Variants in AFF2 observed in about 807,000 individuals in gnomAD.
AFF2 encodes ALF transcription elongation factor 2, also known as AF4/FMR2 family member 2.
A neutral mutation model predicts 76.9 loss-of-function variants in AFF2; 14 were observed. The ratio of observed to expected loss-of-function variants is 0.18; its 90% CI spans 0.12 to 0.28. The LOEUF (loss-of-function observed/expected upper bound fraction) is 0.28. Ranked by LOEUF, AFF2 falls within the 10% of genes least tolerant of loss-of-function variation. The probability of loss-of-function intolerance (pLI) is 1.00; values close to 1 mark genes in which losing one functional copy is unlikely to be tolerated. For missense variants in AFF2, 868 were observed against 1,001.1 expected, an observed-to-expected ratio of 0.87 and a Z score of 1.79; for synonymous variants, 398 against 366.7, an observed-to-expected ratio of 1.09 and a Z score of -0.98.
chrX:148,842,882 A>G (rs1370561410), intron 5 of AFF2, 84 bp from the exon 6 acceptor site: 11 of 798,017 alleles, frequency 1.4e-5, no homozygotes, highest in Non-Finnish European at 1.9e-5. Context: ...TTAGTCAACT[A>G]TATCTTCAGC....
intron 3 of AFF2, among the ~76,000 whole-genome samples, chrX:148,798,853 A>C (rs1409414348): frequency 8.9e-6 from 1 of 111,897 alleles, no homozygotes; most frequent in African/African-American, 3.2e-5. Flanking sequence ...GATGCTCCAC[A>C]GAGCTGGCCC....
At chrX:148,968,860 T>C (rs1458126706) in intron 15 of AFF2, among the ~76,000 whole-genome samples, 17 of 111,938 alleles carry the variant, frequency 1.5e-4, no homozygotes, top group Non-Finnish European at 2.6e-4. Flanking sequence ...CCTGTGACCA[T>C]TGTATAGGTG....
intron 16 of AFF2, 60 bp from the exon 17 acceptor site, chrX:148,977,873 C>A (rs1040224784): frequency 4.7e-6 from 4 of 858,853 alleles, no homozygotes; most frequent in Admixed American, 4.5e-5. Flanking sequence ...ATACCAGTGA[C>A]TTTAGGCATT....
At position 148,809,750 on chromosome X, in the gene AFF2, T is replaced by C; in HGVS notation, c.1042-126T>C. 4.6e-6 allele frequency: 3 copies of C among 658,257 alleles called. No individual in the cohort carries two copies. In the South Asian group the frequency reaches 9.7e-5, roughly 21 times the overall value. The allele number at this position is 658,257 out of a possible 1,213,427, so 54.2% of individuals were successfully genotyped here. ...AAAATTAGTCATTTGCAGATATTCT[T>C]TTGTATTTAATAGGAAAAAAATGAT... On this transcript the variant is annotated intron_variant, in intron 3 of 20. Transcript: ENST00000370460.
At chrX:148,572,028 T>TA (rs1328403825) in intron 1 of AFF2, among the ~76,000 whole-genome samples, 1 of 93,777 alleles carries the variant, frequency 1.1e-5, no homozygotes, top group Non-Finnish European at 2.1e-5. Flanking sequence ...TCTGATAACA[T>TA]ACTAGCATCC....
chrX:148,719,170 T>A (rs782484350), intron 3 of AFF2: 2 of 1,146,425 alleles, frequency 1.7e-6, no homozygotes, highest in Non-Finnish European at 2.3e-6. Flanking sequence ...TTCACCCCTC[T>A]TTCTTGATCC....
At chrX:148,581,027 GTA>G (rs1491337173) in intron 1 of AFF2, among the ~76,000 whole-genome samples, 3,360 of 35,339 alleles carry the variant, frequency 0.095, 275 homozygotes, top group African/African-American at 0.23. Context: ...AAACATATGT[GTA>G]TATATACACA....
At chrX:148,575,823 A>G (rs1026535790) in intron 1 of AFF2, among the ~76,000 whole-genome samples, 1 of 108,127 alleles carries the variant, frequency 9.2e-6, no homozygotes, top group East Asian at 2.8e-4. Flanking sequence ...TAAATTATAT[A>G]ATAAAATAGA....
intron 3 of AFF2, among the ~76,000 whole-genome samples, chrX:148,693,577 G>C (rs782037595): frequency 8.9e-6 from 1 of 112,163 alleles, no homozygotes; most frequent in Non-Finnish European, 1.9e-5. Flanking sequence ...CTTCTCTCCA[G>C]AGTGGTCTGA....
At chrX:148,928,013 C>T (rs1334262905) in intron 9 of AFF2, among the ~76,000 whole-genome samples, 1 of 111,383 alleles carries the variant, frequency 9.0e-6, no homozygotes, top group African/African-American at 3.3e-5. Flanking sequence ...CTCTGTTTTT[C>T]GTAAGGTTCC....
At chrX:148,957,431 T>A (rs1252094129) in intron 11 of AFF2, among the ~76,000 whole-genome samples, 1 of 110,986 alleles carries the variant, frequency 9.0e-6, no homozygotes, top group African/African-American at 3.3e-5. Context: ...CAGTCATCAT[T>A]CAGCTTGACT....
At chrX:148,854,480 A>G (rs1557275722) in intron 7 of AFF2, among the ~76,000 whole-genome samples, 1 of 111,580 alleles carries the variant, frequency 9.0e-6, no homozygotes, top group East Asian at 2.8e-4. Flanking sequence ...ATACTAAGAG[A>G]AGATACTGCT....
Position 148,616,933 on chromosome X carries a change from A to G in AFF2, c.48-35066A>G, listed in dbSNP as rs782051623. Among the ~76,000 whole-genome samples the G allele has an allele frequency of 1.6e-3, 183 of 111,542 alleles. 1 individual carries two copies. Among genetic ancestry groups the G allele is most frequent in the African/African-American group, 5.5e-3 (168 of 30,709 alleles). The stretch of plus-strand genomic sequence containing the variant: ...ATTTTTTATGGCTGCATAGTATTCC[A>G]TGGTGTATATGTGCCACATTTTCTT... On this transcript the variant is annotated intron_variant, in intron 1 of 20. Transcript: ENST00000370460.
At chrX:148,614,650 T>C (rs782053404) in intron 1 of AFF2, among the ~76,000 whole-genome samples, 45 of 106,720 alleles carry the variant, frequency 4.2e-4, no homozygotes, top group Non-Finnish European at 8.0e-4. Context: ...TCTCTTTCTT[T>C]CTTCCTTCCT....
chrX:148,735,164 G>A (rs782092199), intron 3 of AFF2, among the ~76,000 whole-genome samples: 1 of 111,887 alleles, frequency 8.9e-6, no homozygotes, highest in Non-Finnish European at 1.9e-5. Context: ...CTTTGATGCT[G>A]GAAAGACCAA....
At chrX:148,909,094 C>G (rs1403170392) in intron 9 of AFF2, among the ~76,000 whole-genome samples, 1 of 112,196 alleles carries the variant, frequency 8.9e-6, no homozygotes, top group Admixed American at 9.4e-5. Context: ...GCCTTTAAAA[C>G]AGTGAGTTTT....
intron 3 of AFF2, among the ~76,000 whole-genome samples, chrX:148,725,353 T>C (rs911405092): frequency 3.6e-5 from 4 of 110,996 alleles, no homozygotes; most frequent in African/African-American, 1.3e-4. Context: ...TCTGGGATCC[T>C]CTTACCAGGA....
At position 148,792,042 on chromosome X, in the gene AFF2, G is replaced by GT. The variant is rs782459299; in HGVS notation, c.1042-17827dup. On this transcript the variant is annotated intron_variant, in intron 3 of 20. Coordinates refer to ENST00000370460, the MANE Select transcript of AFF2 (RefSeq NM_002025.4). ...TATTTGATAATATAGTTGGGAACCA[G>GT]TTTTTTTGTACAGTGATTAAGAACA... Among the ~76,000 whole-genome samples the GT allele has an allele frequency of 9.4e-4, 104 of 110,854 alleles. 1 individual carries two copies. The highest frequency in any genetic ancestry group is 3.3e-3 in the African/African-American group (100 of 30,520).
At chrX:148,791,447 C>A (rs150177884) in intron 3 of AFF2, among the ~76,000 whole-genome samples, 3 of 112,316 alleles carry the variant, frequency 2.7e-5, no homozygotes, top group Non-Finnish European at 5.6e-5. Context: ...CCAGGTCCCT[C>A]CCATGACATG....
Sources: gnomAD v4.1 joint callset for allele counts (sites outside exome capture counted in the v4.1 genomes callset) on GRCh38, gnomAD v4.1.1 for gene constraint, MANE v1.5 for transcripts, NCBI Gene and HGNC (gene_info 2026-07-23, HGNC 2026-07-21) for gene names.